The following GIT2 variants were observed in gnomAD, a reference collection of about 807,000 sequenced individuals.
GIT2 encodes ARF GTPase-activating protein GIT2.
A neutral mutation model predicts 100.3 loss-of-function variants in GIT2; 32 were observed. That is an observed-to-expected ratio of 0.32 (90% CI 0.24 to 0.43). The LOEUF (loss-of-function observed/expected upper bound fraction) is 0.43, where lower values mean the gene tolerates loss of function less well. GIT2 is among the 20% of genes least tolerant of loss of function. The probability of loss-of-function intolerance (pLI) is 1.00; values close to 1 mark genes in which losing one functional copy is unlikely to be tolerated. For missense variants in GIT2, 737 were observed against 975.1 expected, an observed-to-expected ratio of 0.76 and a Z score of 3.25; for synonymous variants, 353 against 364.1, an observed-to-expected ratio of 0.97 and a Z score of 0.35.
upstream of GIT2, chr12:109,997,847 A>G (rs1254534390): frequency 6.6e-6 from 1 of 152,262 alleles, no homozygotes; most frequent in Non-Finnish European, 1.5e-5. Context: ...TGTGAGATAA[A>G]CACAATGAAA....
At chr12:109,951,395 C>CT in intron 13 of GIT2, 79 bp from the exon 14 acceptor site, 3 of 1,217,254 alleles carry the variant, frequency 2.5e-6, no homozygotes, top group South Asian at 1.3e-5. Flanking sequence ...ATTTCAAATT[C>CT]TGACCAAGCC....
chr12:109,992,924 G>A (rs149100083), intron 1 of GIT2, among the ~76,000 whole-genome samples: 134 of 151,448 alleles, frequency 8.8e-4, no homozygotes, highest in South Asian at 1.5e-3. Context: ...CACTCACCTC[G>A]ACCTCCTAAA....
Position 109,991,241 on chromosome 12 carries a change from C to T in GIT2, c.186+386G>A, listed in dbSNP as rs1271841311. Among the ~76,000 whole-genome samples the T allele has an allele frequency of 4.7e-5, 7 of 148,814 alleles. No individual in the cohort carries two copies. The South Asian group carries it at 6.4e-4, about 14-fold the overall frequency. On this transcript the variant is annotated intron_variant, in intron 2 of 19. Transcript: ENST00000355312. The stretch of plus-strand genomic sequence containing the variant: ...AGGAGAATTGCTTGAACCCGGGAGG[C>T]GGAGGTTACAGTGAGCTGAGATCAC...
rs915029432 is a variant in GIT2 at position 109,934,797 on chromosome 12, C to T, written c.2004-712G>A. On this transcript the variant is annotated intron_variant, in intron 18 of 19. Coordinates refer to ENST00000355312, the MANE Select transcript of GIT2 (RefSeq NM_057169.5). The surrounding 1 kb of genome is among the most constrained non-coding windows in gnomAD (Gnocchi z 4.5). ...AACTATTATAATTAAAACTGTCGGC[C>T]GGGCGCAGTGGCTCACGCCTGTAAT... 1.3e-5 allele frequency among the ~76,000 whole-genome samples: 2 copies of T among 152,022 alleles called. No homozygotes were observed. The highest frequency in any genetic ancestry group is 2.4e-5 in the African/African-American group (1 of 41,418).
At chr12:109,996,800 G>T (rs1278695365), upstream of GIT2, among the ~76,000 whole-genome samples, 1 of 152,182 alleles carries the variant, frequency 6.6e-6, no homozygotes, top group Non-Finnish European at 1.5e-5. Flanking sequence ...ATTCCAGGCT[G>T]GGCGTGGTGG....
At chr12:109,994,299 C>T (rs1888944263) in intron 1 of GIT2, among the ~76,000 whole-genome samples, 1 of 152,088 alleles carries the variant, frequency 6.6e-6, no homozygotes, top group Admixed American at 6.6e-5. Context: ...TTGGGTAAAA[C>T]CCTTTAAGTT....
At chr12:109,946,556 C>CA (rs1284437357) in intron 15 of GIT2, among the ~76,000 whole-genome samples, 6 of 152,158 alleles carry the variant, frequency 3.9e-5, no homozygotes, top group African/African-American at 1.4e-4. Context: ...TATCCCAATG[C>CA]AAAATAAGAT....
In GIT2 at chr12:109,951,285, A is replaced by ACCTCCATAAATTCCTGTACAGATC; in HGVS notation, c.1273_1274insGATCTGTACAGGAATTTATGGAGG (p.Pro424_Val425insGlySerValGlnGluPheMetGlu). ...GACCTCCATAAATTCCTGTACAGTG[A>ACCTCCATAAATTCCTGTACAGATC]CTGGTCCATCTGATAAATCTGAATC... On this transcript the variant is annotated inframe_insertion, in exon 14 of 20. Transcript: ENST00000355312. The ACCTCCATAAATTCCTGTACAGATC allele has an allele frequency of 6.2e-7, 1 of 1,611,934 alleles. No homozygotes were observed. The highest frequency in any genetic ancestry group is 8.5e-7 in the Non-Finnish European group (1 of 1,177,966).
In GIT2 at chr12:109,939,230, C is replaced by T. The variant is rs1216047729; in HGVS notation, c.1749G>A (p.Lys583=). 2.5e-6 allele frequency: 4 copies of T among 1,605,642 alleles called. No individual in the cohort carries two copies. Among genetic ancestry groups the T allele is most frequent in the Admixed American group, 1.7e-5 (1 of 59,964 alleles). ...AGTCACTCTCAGGTGTGCTGTTCTG[C>T]TTCTCCAGCCTGGATGCCTACAAGA... ...ESARRASRLE[K]QNSTPESDYD... is the part of the protein sequence containing the mutation. Residue 583 remains lysine, a synonymous_variant, in exon 17 of 20, where the codon AAG becomes AAA. Coordinates refer to ENST00000355312, the MANE Select transcript of GIT2 (RefSeq NM_057169.5).
In GIT2 at chr12:109,930,345, G is replaced by GACC. The variant is rs1871428346; in HGVS notation, c.*2632_*2633insGGT. 6.5e-6 allele frequency: 1 copy of GACC among 153,550 alleles called. No homozygotes were observed. The highest frequency in any genetic ancestry group is 2.1e-4 in the South Asian group (1 of 4,832). The allele number at this position is 153,550 out of a possible 1,614,324, so 9.5% of individuals were successfully genotyped here. Reference sequence around the variant, plus strand: ...GCCCTATCAGCTTTGGGGGAAGGGTGGCATATGGGGAGGAAGGGATCATTG... The same window carrying GACC: ...GCCCTATCAGCTTTGGGGGAAGGGTGACCGCATATGGGGAGGAAGGGATCATTG... On this transcript the variant is annotated 3_prime_UTR_variant, in exon 20 of 20. Coordinates refer to ENST00000355312, the MANE Select transcript of GIT2 (RefSeq NM_057169.5).
At chr12:109,995,196 T>C (rs1157183941) in intron 1 of GIT2, among the ~76,000 whole-genome samples, 5 of 152,336 alleles carry the variant, frequency 3.3e-5, no homozygotes, top group Admixed American at 2.0e-4. Flanking sequence ...TCCAGAGACC[T>C]GACAATTCAG....
chr12:109,959,241 T>C (rs780920197), intron 12 of GIT2, among the ~76,000 whole-genome samples: 1 of 152,032 alleles, frequency 6.6e-6, no homozygotes, highest in Non-Finnish European at 1.5e-5. Context: ...CTAATTTTTG[T>C]ATTTTTAGTA....
chr12:109,957,300 G>A (rs1162485697), intron 12 of GIT2, among the ~76,000 whole-genome samples: 6 of 152,008 alleles, frequency 3.9e-5, no homozygotes, highest in Admixed American at 6.6e-5. Context: ...CTCTCTCACC[G>A]TGTGATCTCT....
rs1328226251 is a variant in GIT2 at position 109,947,670 on chromosome 12, G to A, written c.1393-166C>T. The stretch of plus-strand genomic sequence containing the variant: ...AAACAAGGACCCTTTCTTCTGGATT[G>A]GGTGAAACACAATCAACTCCCTTCA... On this transcript the variant is annotated intron_variant, in intron 14 of 19. Coordinates refer to ENST00000355312, the MANE Select transcript of GIT2 (RefSeq NM_057169.5). The surrounding 1 kb of genome is among the most constrained non-coding windows in gnomAD (Gnocchi z 4.3). 1.3e-5 allele frequency: 8 copies of A among 614,232 alleles called. No homozygotes were observed. The highest frequency in any genetic ancestry group is 2.0e-5 in the Non-Finnish European group (7 of 350,332). The allele number at this position is 614,232 out of a possible 1,614,324, so 38.0% of individuals were successfully genotyped here.
At chr12:109,969,243 T>C (rs988874891) in intron 7 of GIT2, among the ~76,000 whole-genome samples, 2 of 148,766 alleles carry the variant, frequency 1.3e-5, no homozygotes, top group Admixed American at 6.8e-5. Flanking sequence ...TATTGGCTCA[T>C]TGCAACCTCT....
At chr12:109,989,638 T>C (rs922992509) in intron 3 of GIT2, 52 bp downstream of exon 3, 2 of 1,010,654 alleles carry the variant, frequency 2.0e-6, no homozygotes, top group Non-Finnish European at 1.6e-6. Context: ...CTCCTTTCAG[T>C]GGGCCCCATT....
intron 16 of GIT2, chr12:109,940,363 A>G (rs1874317464): frequency 6.6e-6 from 1 of 152,224 alleles, no homozygotes; most frequent in African/African-American, 2.4e-5. Context: ...AGGCTAATTT[A>G]AAACCTAAAC....
chr12:109,992,617 A>G (rs774896821), intron 1 of GIT2, among the ~76,000 whole-genome samples: 1 of 152,176 alleles, frequency 6.6e-6, no homozygotes, highest in Non-Finnish European at 1.5e-5. Context: ...GAGGACAGGG[A>G]AACCTGGCCT....
chr12:109,962,973 G>A lies in GIT2; in HGVS notation c.817-1288C>T, dbSNP rs376577598. Among the ~76,000 whole-genome samples, 24 of 151,974 alleles carry A rather than the reference G, an allele frequency of 1.6e-4. No homozygotes were observed. Among genetic ancestry groups the A allele is most frequent in the African/African-American group, 4.6e-4 (19 of 41,438 alleles). ...GTGAGCCACGATGGCACCACTGCAC[G>A]CCAGCCTGGGTGACGGAGTGAGACC... On this transcript the variant is annotated intron_variant, in intron 9 of 19. Transcript: ENST00000355312. The surrounding 1 kb of genome is among the most constrained non-coding windows in gnomAD (Gnocchi z 4.3).
Sources: gnomAD v4.1 joint callset for allele counts (sites outside exome capture counted in the v4.1 genomes callset) on GRCh38, gnomAD v4.1.1 for gene constraint, Gnocchi (gnomAD v3.1) non-coding constraint, MANE v1.5 for transcripts, NCBI Gene and HGNC (gene_info 2026-07-23, HGNC 2026-07-21) for gene names.